TRHR: variants seen among roughly 807,000 people sequenced by gnomAD.
The protein encoded by TRHR is thyrotropin releasing hormone receptor, also known as thyrotropin-releasing hormone receptor.
In TRHR, 14 loss-of-function variants were observed where a neutral mutation model predicts 28.0. The observed-to-expected ratio is 0.50, with a 90% CI of 0.33 to 0.78. The LOEUF is 0.78. Among genes scored for constraint, TRHR ranks in the 30% least tolerant of loss-of-function variants. The probability of loss-of-function intolerance (pLI) is 0.02; values close to 1 mark genes in which losing one functional copy is unlikely to be tolerated. For synonymous variants in TRHR, 176 were observed against 171.9 expected, an observed-to-expected ratio of 1.02 and a Z score of -0.18; for missense variants, 438 against 469.5, an observed-to-expected ratio of 0.93 and a Z score of 0.62.
At chr8:109,088,341 G>T in intron 2 of TRHR, 40 bp downstream of exon 2, 1 of 1,602,858 alleles carries the variant, frequency 6.2e-7, no homozygotes. Flanking sequence ...GAGGAAATGT[G>T]GGATAGAGTT....
rs1365604370 is a variant in TRHR, at chr8:109,121,417, G to A, written c.*1962G>A. ...AAAGGACCTAATATCATTGAGCATCGACTATGTCTCAGGTATGCTGGTAGG... is the reference window on the plus strand; with the variant it reads ...AAAGGACCTAATATCATTGAGCATCAACTATGTCTCAGGTATGCTGGTAGG... On this transcript the variant is annotated 3_prime_UTR_variant, in exon 3 of 3. Coordinates refer to ENST00000518632, the MANE Select transcript of TRHR (RefSeq NM_003301.7). Among the ~76,000 whole-genome samples the A allele has an allele frequency of 6.6e-6, 1 of 151,488 alleles. No homozygotes were observed. Among genetic ancestry groups the A allele is most frequent in the Non-Finnish European group, 1.5e-5 (1 of 67,750 alleles).
chr8:109,095,482 A>G (rs1294802144), intron 2 of TRHR, among the ~76,000 whole-genome samples: 2 of 152,124 alleles, frequency 1.3e-5, no homozygotes, highest in African/African-American at 4.8e-5. Context: ...GAAGCAAGCT[A>G]TGGAAGGGAA....
intron 2 of TRHR, among the ~76,000 whole-genome samples, chr8:109,101,457 A>C (rs1033782942): frequency 6.6e-6 from 1 of 152,084 alleles, no homozygotes; most frequent in Non-Finnish European, 1.5e-5. Flanking sequence ...TTAACTTACA[A>C]CCTTGAGCCT....
chr8:109,095,881 T>C (rs1232095827), intron 2 of TRHR, among the ~76,000 whole-genome samples: 1 of 150,070 alleles, frequency 6.7e-6, no homozygotes, highest in African/African-American at 2.4e-5. Flanking sequence ...TTCCAGCTCA[T>C]TATTCTCCTG....
At chr8:109,087,160 CA>C (rs922630404) in intron 1 of TRHR, among the ~76,000 whole-genome samples, 22 of 151,300 alleles carry the variant, frequency 1.5e-4, no homozygotes, top group African/African-American at 5.1e-4. Context: ...GGCACTGTTT[CA>C]AAACAATTAG....
intron 2 of TRHR, among the ~76,000 whole-genome samples, chr8:109,093,750 T>C (rs1366114499): frequency 1.3e-5 from 2 of 152,014 alleles, no homozygotes; most frequent in Non-Finnish European, 2.9e-5. Context: ...AATGAATGTT[T>C]AATTAAATTT....
chr8:109,106,749 G>C (rs375078428), intron 2 of TRHR, among the ~76,000 whole-genome samples: 63 of 152,224 alleles, frequency 4.1e-4, no homozygotes, highest in Middle Eastern at 3.4e-3. Flanking sequence ...TGGCAACATG[G>C]AACTCCACAG....
intron 2 of TRHR, among the ~76,000 whole-genome samples, chr8:109,103,701 G>A (rs1332191446): frequency 6.6e-6 from 1 of 152,134 alleles, no homozygotes; most frequent in Non-Finnish European, 1.5e-5. Flanking sequence ...CCAAAATTGA[G>A]GCAGGTGGAA....
chr8:109,109,554 A>G (rs1328410107), intron 2 of TRHR, among the ~76,000 whole-genome samples: 1 of 151,918 alleles, frequency 6.6e-6, no homozygotes, highest in Non-Finnish European at 1.5e-5. Context: ...GTGAATTCCT[A>G]TTACTTAGAT....
intron 2 of TRHR, among the ~76,000 whole-genome samples, chr8:109,095,743 A>C (rs112670259): frequency 5.9e-5 from 9 of 152,180 alleles, no homozygotes; most frequent in African/African-American, 1.4e-4. Context: ...TTGCCTTATA[A>C]ACTTCTACCT....
At chr8:109,091,386 G>A (rs964160150) in intron 2 of TRHR, among the ~76,000 whole-genome samples, 2 of 152,150 alleles carry the variant, frequency 1.3e-5, no homozygotes, top group Admixed American at 6.6e-5. Flanking sequence ...CAAAATTAGT[G>A]ACCTGCTTTT....
chr8:109,094,236 AT>A (rs35374425), intron 2 of TRHR, among the ~76,000 whole-genome samples: 92,299 of 148,000 alleles, frequency 0.62, 28,557 homozygotes, highest in South Asian at 0.73. Context: ...CTCATCTTTC[AT>A]TTTTTTTTTT....
intron 2 of TRHR, among the ~76,000 whole-genome samples, chr8:109,115,153 T>C (rs1811900663): frequency 6.6e-6 from 1 of 152,148 alleles, no homozygotes; most frequent in African/African-American, 2.4e-5. Context: ...CTGAGGGCTC[T>C]GTTCTGTTCC....
In TRHR at chr8:109,087,863, A is replaced by T; in HGVS notation, c.351A>T (p.Thr117=). 1 of 1,614,202 alleles carries T rather than the reference A, an allele frequency of 6.2e-7. No homozygotes were observed. The highest frequency in any genetic ancestry group is 8.5e-7 in the Non-Finnish European group (1 of 1,180,036). Residue 117 remains threonine (T), a synonymous_variant, in exon 2 of 3, where the codon ACA becomes ACT. Coordinates refer to ENST00000518632, the MANE Select transcript of TRHR (RefSeq NM_003301.7). The stretch of plus-strand genomic sequence containing the variant: ...TTAATGCATCCTCTTGTTCAATAAC[A>T]GCCTTTACCATTGAGAGGTACATAG... ...LGINASSCSI[T]AFTIERYIAI... is the part of the protein sequence containing the mutation.
intron 2 of TRHR, among the ~76,000 whole-genome samples, chr8:109,098,137 T>TC (rs1811622661): frequency 6.6e-6 from 1 of 151,252 alleles, no homozygotes; most frequent in Non-Finnish European, 1.5e-5. Flanking sequence ...TTTTCTTTTT[T>TC]CTTTTTTTTT....
intron 2 of TRHR, among the ~76,000 whole-genome samples, chr8:109,113,647 C>G (rs1434139665): frequency 1.3e-5 from 2 of 152,106 alleles, no homozygotes; most frequent in Non-Finnish European, 2.9e-5. Context: ...TGTGACTAAT[C>G]TACCATACTA....
At chr8:109,103,435 T>C (rs1811706476) in intron 2 of TRHR, among the ~76,000 whole-genome samples, 1 of 152,180 alleles carries the variant, frequency 6.6e-6, no homozygotes, top group South Asian at 2.1e-4. Context: ...AGGAATGTGA[T>C]AGTGTGAGGT....
chr8:109,098,213 T>C (rs970000096), intron 2 of TRHR, among the ~76,000 whole-genome samples: 2 of 151,806 alleles, frequency 1.3e-5, no homozygotes. Flanking sequence ...CACCGCAGCC[T>C]CAACTTCCTG....
intron 2 of TRHR, among the ~76,000 whole-genome samples, chr8:109,101,799 T>A (rs1258885690): frequency 1.3e-5 from 2 of 152,080 alleles, no homozygotes; most frequent in Non-Finnish European, 2.9e-5. Flanking sequence ...TTGGGATTAA[T>A]TAGTATAGAG....
Sources: gnomAD v4.1 joint callset for allele counts (sites outside exome capture counted in the v4.1 genomes callset) on GRCh38, gnomAD v4.1.1 for gene constraint, MANE v1.5 for transcripts, NCBI Gene and HGNC (gene_info 2026-07-23, HGNC 2026-07-21) for gene names.